PAK3: variants seen among roughly 807,000 people sequenced by gnomAD.
PAK3 encodes serine/threonine-protein kinase PAK 3.
Under a neutral mutation model 41.0 loss-of-function variants are expected in PAK3, and 4 were observed. The observed-to-expected ratio is 0.10, with a 90% CI of 0.05 to 0.22. The LOEUF is 0.22. Ranked by LOEUF, PAK3 falls within the 10% of genes least tolerant of loss-of-function variation. PAK3 has a pLI of 1.00. For synonymous variants in PAK3, 146 were observed against 139.6 expected (o/e 1.05, Z -0.32); for missense variants, 205 against 409.9 (o/e 0.50, Z 4.32).
chrX:111,133,025 C>T (rs1603284477), intron 5 of PAK3, among the ~76,000 whole-genome samples: 1 of 111,754 alleles, frequency 8.9e-6, no homozygotes, highest in East Asian at 2.8e-4. Context: ...AAACAGCAAC[C>T]ATCTGGAAGC....
At chrX:111,079,613 A>G (rs926680636) in intron 1 of PAK3, among the ~76,000 whole-genome samples, 1 of 112,347 alleles carries the variant, frequency 8.9e-6, no homozygotes, top group African/African-American at 3.2e-5. Context: ...CTAACACAAC[A>G]TCTCTTCTGC....
intron 8 of PAK3, among the ~76,000 whole-genome samples, chrX:111,160,734 G>T (rs1410515687): frequency 9.1e-6 from 1 of 110,180 alleles, no homozygotes; most frequent in African/African-American, 3.3e-5. Flanking sequence ...TTTTGTCCTT[G>T]TGATAGTTTG....
At chrX:111,132,576 T>A (rs2093734302) in intron 5 of PAK3, among the ~76,000 whole-genome samples, 1 of 111,243 alleles carries the variant, frequency 9.0e-6, no homozygotes, top group Admixed American at 9.5e-5. Context: ...CCTAACGGAA[T>A]GTTTTATTAG....
rs192634564 is a variant in PAK3 at position 111,063,577 on chromosome X, G to A, written c.-27-59500G>A. The stretch of plus-strand genomic sequence containing the variant: ...GGATTCAACCATCTCTTTTTATAGG[G>A]AAGGGCAGACACATGAAACTGGGCA... On this transcript the variant is annotated intron_variant, in intron 1 of 14. Transcript: ENST00000425146. 3.5e-3 allele frequency among the ~76,000 whole-genome samples: 385 copies of A among 111,240 alleles called. 3 individuals are homozygous for A. Among genetic ancestry groups the A allele is most frequent in the African/African-American group, 0.012 (374 of 30,565 alleles).
At chrX:111,209,328 G>T (rs1321166019) in intron 16 of PAK3, among the ~76,000 whole-genome samples, 1 of 111,804 alleles carries the variant, frequency 8.9e-6, no homozygotes, top group African/African-American at 3.3e-5. Flanking sequence ...TTCTCAATTG[G>T]AGATCAAAAT....
Position 111,005,353 on chromosome X carries a change from C to T in PAK3, c.-28+60725C>T, listed in dbSNP as rs192610481. 9.7e-3 allele frequency among the ~76,000 whole-genome samples: 1,081 copies of T among 111,538 alleles called. 6 individuals are homozygous for T. Among genetic ancestry groups the T allele is most frequent in the African/African-American group, 0.027 (840 of 30,657 alleles). On this transcript the variant is annotated intron_variant, in intron 1 of 14. Coordinates refer to the PAK3 transcript ENST00000425146. ...CTCCCCCTCAGACCCTCCAGGCTTTCCCTTTGTCTGCTAAGGGATGGAAAC... is the reference window on the plus strand; with the variant it reads ...CTCCCCCTCAGACCCTCCAGGCTTTTCCTTTGTCTGCTAAGGGATGGAAAC...
chrX:110,985,752 T>G (rs901841090), intron 1 of PAK3, among the ~76,000 whole-genome samples: 4 of 112,490 alleles, frequency 3.6e-5, no homozygotes, highest in Non-Finnish European at 7.5e-5. Context: ...CACAGTAACC[T>G]TATAAGGTAT....
chrX:111,037,907 A>T (rs2092415836), intron 1 of PAK3, among the ~76,000 whole-genome samples: 1 of 111,495 alleles, frequency 9.0e-6, no homozygotes, highest in Non-Finnish European at 1.9e-5. Flanking sequence ...GTTTCTTGTG[A>T]ATATTATGGA....
chrX:111,138,099 C>T (rs2093817371), intron 5 of PAK3, among the ~76,000 whole-genome samples: 1 of 106,200 alleles, frequency 9.4e-6, no homozygotes, highest in Admixed American at 1.0e-4. Flanking sequence ...CTGTTGAAAA[C>T]TTTGGTTCTG....
chrX:111,192,226 A>T (rs768019214), intron 12 of PAK3, 51 bp downstream of exon 12: 2 of 801,713 alleles, frequency 2.5e-6, no homozygotes, highest in African/African-American at 4.1e-5. Context: ...TTCATATTTA[A>T]CAGTTATCTT....
intron 4 of PAK3, among the ~76,000 whole-genome samples, chrX:111,114,578 C>T (rs763474199): frequency 6.3e-5 from 7 of 111,476 alleles, no homozygotes; most frequent in African/African-American, 2.3e-4. Flanking sequence ...TCTCTTTATG[C>T]AGCTGTGTGA....
At chrX:111,061,897 C>T (rs1007522341) in intron 1 of PAK3, among the ~76,000 whole-genome samples, 1 of 110,761 alleles carries the variant, frequency 9.0e-6, no homozygotes, top group Non-Finnish European at 1.9e-5. Context: ...TCACTGCAGC[C>T]TTGACCTCTT....
At chrX:111,103,618 A>G (rs183857725) in intron 4 of PAK3, among the ~76,000 whole-genome samples, 2 of 111,949 alleles carry the variant, frequency 1.8e-5, no homozygotes, top group Non-Finnish European at 3.8e-5. Context: ...TAACACAGAC[A>G]TGCTTCCCAT....
intron 1 of PAK3, among the ~76,000 whole-genome samples, chrX:111,059,553 C>T (rs2092637573): frequency 9.0e-6 from 1 of 111,454 alleles, no homozygotes; most frequent in Admixed American, 9.5e-5. Flanking sequence ...TAATGTTAAA[C>T]CTTCCAATCC....
intron 8 of PAK3, among the ~76,000 whole-genome samples, chrX:111,158,743 T>A (rs1229898375): frequency 2.7e-5 from 3 of 112,305 alleles, no homozygotes; most frequent in Non-Finnish European, 5.6e-5. Context: ...TTTCTAATAG[T>A]CCCTTAAGTC....
intron 16 of PAK3, among the ~76,000 whole-genome samples, chrX:111,205,010 T>C (rs936089420): frequency 2.0e-4 from 21 of 105,553 alleles, no homozygotes; most frequent in Admixed American, 1.7e-3. Flanking sequence ...CAAGGAACTT[T>C]CTAGTGTCTC....
chrX:110,966,783 T>C (rs911836607), intron 1 of PAK3, among the ~76,000 whole-genome samples: 7 of 111,240 alleles, frequency 6.3e-5, no homozygotes, highest in Admixed American at 9.5e-5. Context: ...GTAGTCAAGT[T>C]GTAGATTATT....
intron 4 of PAK3, among the ~76,000 whole-genome samples, chrX:111,114,032 G>T (rs1395604005): frequency 8.9e-6 from 1 of 112,238 alleles, no homozygotes; most frequent in African/African-American, 3.2e-5. Flanking sequence ...ATCATTGATG[G>T]ACATTTGGGT....
At chrX:111,093,819 G>A (rs748843634), upstream of PAK3, among the ~76,000 whole-genome samples, 52 of 111,902 alleles carry the variant, frequency 4.6e-4, no homozygotes, top group African/African-American at 1.7e-3. Flanking sequence ...TTATAGCTGA[G>A]GTATATGGGA....
Sources: allele counts gnomAD v4.1 joint callset (sites outside exome capture counted in the v4.1 genomes callset), GRCh38; gene constraint gnomAD v4.1.1; transcripts MANE v1.5; gene names NCBI Gene and HGNC (gene_info 2026-07-23, HGNC 2026-07-21).